Variants in TMEM183A observed in about 807,000 individuals in gnomAD.
TMEM183A encodes the protein transmembrane protein 183A.
In TMEM183A, 21 loss-of-function variants were observed where a neutral mutation model predicts 46.7. That is an observed-to-expected ratio of 0.45 (90% confidence interval 0.32 to 0.65). The LOEUF is 0.65. TMEM183A is among the 30% of genes least tolerant of loss of function. The probability of loss-of-function intolerance (pLI) is 0.04; values close to 1 mark genes in which losing one functional copy is unlikely to be tolerated. For missense variants in TMEM183A, 331 were observed against 481.9 expected (o/e 0.69, Z 2.93); for synonymous variants, 165 against 180.2 (o/e 0.92, Z 0.68).
At chr1:203,015,762 A>G in intron 4 of TMEM183A, 198 bp from the exon 5 acceptor site, 1 of 632,660 alleles carries the variant, frequency 1.6e-6, no homozygotes, top group Non-Finnish European at 2.7e-6. Flanking sequence ...TTCAACTTTA[A>G]AAATGGATGG....
Position 203,007,792 on chromosome 1 carries a change from C to A in TMEM183A, c.128C>A (p.Ala43Asp), listed in dbSNP as rs1389950565. 1.2e-6 allele frequency: 2 copies of A among 1,613,976 alleles called. No individual in the cohort carries two copies. Among genetic ancestry groups the A allele is most frequent in the Non-Finnish European group, 1.7e-6 (2 of 1,179,874 alleles). Reference sequence around the variant, plus strand: ...GTTGCAGTGACCGTGGCGGATTACGCCAACTCGGATCCGGCGGTCGTGAGG... The same window carrying A: ...GTTGCAGTGACCGTGGCGGATTACGACAACTCGGATCCGGCGGTCGTGAGG... Reference protein sequence around the residue: ...CSGRVTVADYANSDPAVVRSG... With the variant: ...CSGRVTVADYDNSDPAVVRSG... The change falls in exon 2 of 8, where the codon GCC (alanine) becomes GAC (aspartate). Residue 43 changes from alanine to aspartate, a missense_variant. By Grantham distance (126) the Ala-to-Asp change is moderately radical (BLOSUM62 -2). Coordinates refer to ENST00000367242, the MANE Select transcript of TMEM183A (RefSeq NM_138391.6).
intron 2 of TMEM183A, among the ~76,000 whole-genome samples, chr1:203,008,326 C>T (rs920354658): frequency 6.6e-6 from 1 of 152,080 alleles, no homozygotes; most frequent in Admixed American, 6.6e-5. Context: ...TCTCTGTAGA[C>T]CTTATGAGAA....
intron 2 of TMEM183A, among the ~76,000 whole-genome samples, chr1:203,008,187 C>T (rs542839062): frequency 2.2e-4 from 33 of 152,226 alleles, no homozygotes; most frequent in African/African-American, 7.9e-4. Flanking sequence ...TTGGAGTGTT[C>T]TTTTCCTTTT....
At chr1:203,015,196 C>T in intron 4 of TMEM183A, 148 bp downstream of exon 4, 2 of 1,123,916 alleles carry the variant, frequency 1.8e-6, no homozygotes, top group South Asian at 3.3e-5. Flanking sequence ...TTGAGCCCCT[C>T]TCTAATTTAA....
Position 203,015,016 on chromosome 1 carries a change from C to T in TMEM183A, c.495C>T (p.Cys165=). 1 of 1,613,440 alleles carries T rather than the reference C, an allele frequency of 6.2e-7. No individual in the cohort carries two copies. Residue 165 remains cysteine, a synonymous_variant, in exon 4 of 8, where the codon TGC becomes TGT. Coordinates refer to ENST00000367242, the MANE Select transcript of TMEM183A (RefSeq NM_138391.6). Reference sequence around the variant, plus strand: ...GTAAGAATGCCTGGACTGTCACTTGCACTGCTGCCTTTTGGACCAGGTTGT... The same window carrying T: ...GTAAGAATGCCTGGACTGTCACTTGTACTGCTGCCTTTTGGACCAGGTTGT... ...LICKNAWTVT[C]TAAFWTRLYR...
In TMEM183A at chr1:203,007,461, G is replaced by C. The variant is rs769577176; in HGVS notation, c.-5G>C. ...GCTCCCGGGGCCGGCTCTCCGGCCG[G>C]AGACATGGCCCGGGGGCCCGGCCCG... On this transcript the variant is annotated 5_prime_UTR_variant, in exon 1 of 8. Transcript: ENST00000367242. 8.6e-4 allele frequency: 1,228 copies of C among 1,431,294 alleles called. No homozygotes were observed. Among genetic ancestry groups the C allele is most frequent in the Non-Finnish European group, 1.0e-3 (1,125 of 1,089,418 alleles). The allele number at this position is 1,431,294 out of a possible 1,614,324, so 88.7% of individuals were successfully genotyped here.
intron 3 of TMEM183A, among the ~76,000 whole-genome samples, chr1:203,009,303 G>T (rs1656318622): frequency 6.6e-6 from 1 of 152,186 alleles, no homozygotes. Context: ...TGTCTAATAA[G>T]TATTGTGGGA....
rs1435514257 is a variant in TMEM183A, at chr1:203,024,479, C to CTTT, written c.*1439_*1440insTTT. On this transcript the variant is annotated 3_prime_UTR_variant, in exon 8 of 8. Coordinates refer to ENST00000367242, the MANE Select transcript of TMEM183A (RefSeq NM_138391.6). ...CTTGTGAGGCAAACTGCTAAATTCA[C>CTTT]ATTTTTGTTTTTTTTTTTTTACCAT... 9.0e-6 allele frequency: 1 copy of CTTT among 111,688 alleles called. No individual in the cohort carries two copies. The allele number at this position is 111,688 out of a possible 1,614,324, so 6.9% of individuals were successfully genotyped here.
At chr1:203,016,624 A>G (rs1657193593) in intron 5 of TMEM183A, among the ~76,000 whole-genome samples, 1 of 152,120 alleles carries the variant, frequency 6.6e-6, no homozygotes, top group Non-Finnish European at 1.5e-5. Flanking sequence ...TGACTTCTGT[A>G]GCATTTGGAA....
rs1012066096 is a variant in TMEM183A at position 203,020,911 on chromosome 1, T to A, written c.908T>A (p.Ile303Asn). ...CTGCAGGTCACCACCCTCAATTTCA[T>A]CTTTATTCCGATTGTCATGGGAATG... ...CLLQVTTLNFIFIPIVMGMIF... is the reference protein window; with the variant it reads ...CLLQVTTLNFNFIPIVMGMIF... Residue 303 changes from isoleucine to asparagine, a missense_variant, in exon 7 of 8, where the codon ATC becomes AAC. Physicochemically the swap from Ile to Asn is moderately radical, Grantham distance 149. Around this residue, in one of 2 missense-constraint regions of TMEM183A, gnomAD observed 233 missense variants for 385.8 expected, o/e 0.60. Coordinates refer to ENST00000367242, the MANE Select transcript of TMEM183A (RefSeq NM_138391.6). 2 of 1,612,370 alleles carry A rather than the reference T, an allele frequency of 1.2e-6. No homozygotes were observed. The highest frequency in any genetic ancestry group is 2.7e-5 in the African/African-American group (2 of 74,540).
intron 7 of TMEM183A, 58 bp downstream of exon 7, chr1:203,021,006 GA>G: frequency 7.4e-7 from 1 of 1,347,200 alleles, no homozygotes; most frequent in Non-Finnish European, 9.7e-7. Flanking sequence ...TTTTCATTCT[GA>G]AAGGAGGTGA....
intron 5 of TMEM183A, among the ~76,000 whole-genome samples, chr1:203,018,180 C>CT (rs1657344669): frequency 6.6e-6 from 1 of 152,196 alleles, no homozygotes; most frequent in South Asian, 2.1e-4. Flanking sequence ...GCTCCAGTCT[C>CT]TAGATACCAT....
chr1:203,017,924 T>C (rs182846108), intron 5 of TMEM183A: 20 of 986,304 alleles, frequency 2.0e-5, no homozygotes, highest in Non-Finnish European at 2.3e-5. Context: ...TGGGAGGTAC[T>C]TCACTTCTTG....
At chr1:203,018,731 A>G (rs1215153429) in intron 6 of TMEM183A, among the ~76,000 whole-genome samples, 170 bp downstream of exon 6, 1 of 152,200 alleles carries the variant, frequency 6.6e-6, no homozygotes, top group East Asian at 1.9e-4. Flanking sequence ...TCCAAGATCA[A>G]GGTACTTGCA....
chr1:203,014,742 G>C (rs919158476), intron 3 of TMEM183A, 147 bp from the exon 4 acceptor site: 2 of 1,224,778 alleles, frequency 1.6e-6, no homozygotes, highest in African/African-American at 3.1e-5. Flanking sequence ...GCTAGGATGA[G>C]CAGGAAATGA....
Position 203,016,006 on chromosome 1 carries a change from T to C in TMEM183A, c.574T>C (p.Ser192Pro). The C allele has an allele frequency of 6.2e-7, 1 of 1,613,958 alleles. No individual in the cohort carries two copies. The part of the protein sequence containing the change: ...ASLPLRLRPE[S>P]MEKLRCLRAC... ...CCTGCCTTTGCGTCTGCGACCAGAG[T>C]CAATGGAGAAGCTGCGCTGTCTCCG... is the stretch of plus-strand genomic sequence containing the variant. Residue 192 changes from serine to proline, a missense_variant, in exon 5 of 8, where the codon TCA becomes CCA. Around this residue, in one of 2 missense-constraint regions of TMEM183A, gnomAD observed 233 missense variants for 385.8 expected, o/e 0.60. Coordinates refer to ENST00000367242, the MANE Select transcript of TMEM183A (RefSeq NM_138391.6).
rs577070405 is a variant in TMEM183A at position 203,012,948 on chromosome 1, G to C, written c.368-1941G>C. Among the ~76,000 whole-genome samples the C allele has an allele frequency of 2.0e-5, 3 of 152,240 alleles. No homozygotes were observed. In the South Asian group the frequency reaches 6.2e-4, roughly 32 times the overall value. On this transcript the variant is annotated intron_variant, in intron 3 of 7. Coordinates refer to ENST00000367242, the MANE Select transcript of TMEM183A (RefSeq NM_138391.6). ...TTGCCCAAGCCGATCTCGAACTCCTGGGCTCAAGCCATCCTCCCACCTTGG... is the reference window on the plus strand; with the variant it reads ...TTGCCCAAGCCGATCTCGAACTCCTCGGCTCAAGCCATCCTCCCACCTTGG...
rs1558033646 is a variant in TMEM183A at position 203,007,822 on chromosome 1, G to C, written c.158G>C (p.Gly53Ala). Residue 53 changes from glycine to alanine, a missense_variant, in exon 2 of 8, where the codon GGA becomes GCA. Coordinates refer to ENST00000367242, the MANE Select transcript of TMEM183A (RefSeq NM_138391.6). The stretch of plus-strand genomic sequence containing the variant: ...TCGGATCCGGCGGTCGTGAGGTCTG[G>C]ACGAGTCAAGAAAGCCGTAGCCAAC... ...ANSDPAVVRS[G>A]RVKKAVANAV... 1.2e-6 allele frequency: 2 copies of C among 1,613,930 alleles called. No individual in the cohort carries two copies. Among genetic ancestry groups the C allele is most frequent in the African/African-American group, 1.3e-5 (1 of 74,946 alleles).
intron 7 of TMEM183A, among the ~76,000 whole-genome samples, chr1:203,022,540 TA>T (rs1657795599): frequency 6.6e-6 from 1 of 151,962 alleles, no homozygotes; most frequent in Admixed American, 6.5e-5. Flanking sequence ...CTGTCTCTAC[TA>T]AAAATACAAA....
Sources: gnomAD v4.1 joint callset for allele counts (sites outside exome capture counted in the v4.1 genomes callset) on GRCh38, gnomAD v4.1.1 for gene constraint, gnomAD v4.1.1 regional missense constraint, MANE v1.5 for transcripts, NCBI Gene and HGNC (gene_info 2026-07-23, HGNC 2026-07-21) for gene names.